The following SYT14 variants were observed in gnomAD, a reference collection of about 807,000 sequenced individuals.
The protein encoded by SYT14 is synaptotagmin 14.
A neutral mutation model predicts 74.2 loss-of-function variants in SYT14; 32 were observed. The ratio of observed to expected loss-of-function variants is 0.43; its 90% CI spans 0.33 to 0.58. The LOEUF (loss-of-function observed/expected upper bound fraction) is 0.58, where lower values mean the gene tolerates loss of function less well. SYT14 is among the 20% of genes least tolerant of loss of function. The pLI, the probability that SYT14 is intolerant of heterozygous loss-of-function variation, is 0.05. For synonymous variants in SYT14, 298 were observed against 337.7 expected (o/e 0.88, Z 1.29); for missense variants, 791 against 981.8 (o/e 0.81, Z 2.60).
At position 210,097,043 on chromosome 1, in the gene SYT14, G is replaced by A. The variant is rs138440879; in HGVS notation, c.1584+2450G>A. The stretch of plus-strand genomic sequence containing the variant: ...TAACCACTTCTTTGGAATTTCCTCC[G>A]TCCTGCTTATTTTTGTGTCTTCTGT... On this transcript the variant is annotated intron_variant, in intron 6 of 9. Coordinates refer to ENST00000637265, the Ensembl canonical transcript of SYT14. Among the ~76,000 whole-genome samples the A allele has an allele frequency of 4.6e-4, 70 of 152,192 alleles. 1 individual carries two copies. Among genetic ancestry groups the A allele is most frequent in the Admixed American group, 1.2e-3 (18 of 15,282 alleles).
intron 5 of SYT14, among the ~76,000 whole-genome samples, chr1:210,045,620 AC>A (rs1300485867): frequency 2.0e-5 from 3 of 152,176 alleles, no homozygotes; most frequent in Admixed American, 1.3e-4. Context: ...ATAAATAAGG[AC>A]TTTAACCAAA....
intron 5 of SYT14, among the ~76,000 whole-genome samples, chr1:210,032,873 A>G (rs2102997396): frequency 1.2e-5 from 1 of 86,202 alleles, no homozygotes. Flanking sequence ...ATACGTTTGC[A>G]CTATTTATTT....
intron 5 of SYT14, among the ~76,000 whole-genome samples, chr1:210,024,666 C>T (rs1010505146): frequency 1.3e-5 from 2 of 151,992 alleles, no homozygotes; most frequent in Admixed American, 6.6e-5. Flanking sequence ...GTTTTCAGAT[C>T]GTATATGCTT....
exon 10 of SYT14, chr1:210,163,790 A>G (rs1371508860): frequency 4.4e-6 from 2 of 453,680 alleles, no homozygotes; most frequent in Admixed American, 4.7e-5. Flanking sequence ...AATGTACGAG[A>G]CAGTACTACT....
At chr1:210,157,193 G>A (rs1272051296) in intron 8 of SYT14, among the ~76,000 whole-genome samples, 1 of 151,966 alleles carries the variant, frequency 6.6e-6, no homozygotes, top group Non-Finnish European at 1.5e-5. Context: ...TGTAATTCCA[G>A]CACTTTAGGA....
chr1:210,068,493 G>A (rs1156390207), intron 5 of SYT14, among the ~76,000 whole-genome samples: 1 of 151,406 alleles, frequency 6.6e-6, no homozygotes, highest in African/African-American at 2.4e-5. Context: ...TCTGTTCTCT[G>A]TTTGGTAGAA....
At chr1:210,011,599 C>T (rs1271492027) in intron 2 of SYT14, among the ~76,000 whole-genome samples, 1 of 152,140 alleles carries the variant, frequency 6.6e-6, no homozygotes, top group African/African-American at 2.4e-5. Context: ...ATGTCTTATT[C>T]AATTCTATAC....
chr1:210,139,847 TATGG>T (rs2082878894), intron 7 of SYT14, among the ~76,000 whole-genome samples: 1 of 152,220 alleles, frequency 6.6e-6, no homozygotes, highest in Non-Finnish European at 1.5e-5. Flanking sequence ...ATATTCTTTG[TATGG>T]ATATACCACA....
intron 2 of SYT14, among the ~76,000 whole-genome samples, chr1:209,997,878 A>G (rs1327625729): frequency 6.6e-6 from 1 of 152,180 alleles, no homozygotes; most frequent in Non-Finnish European, 1.5e-5. Flanking sequence ...TTCAATTTTA[A>G]CGGTGATTTA....
intron 5 of SYT14, among the ~76,000 whole-genome samples, chr1:210,075,045 C>T (rs1173320653): frequency 6.6e-6 from 1 of 152,174 alleles, no homozygotes; most frequent in Non-Finnish European, 1.5e-5. Flanking sequence ...GCAAGTAGCT[C>T]TCAGCAGATG....
At chr1:210,156,008 A>C (rs1463673893) in intron 8 of SYT14, 98 bp downstream of exon 7, 2 of 1,052,540 alleles carry the variant, frequency 1.9e-6, no homozygotes, top group Non-Finnish European at 2.9e-6. Flanking sequence ...TTAACCAATC[A>C]AAATGAAATG....
At chr1:210,092,686 C>T (rs1009868251) in intron 5 of SYT14, among the ~76,000 whole-genome samples, 1 of 152,120 alleles carries the variant, frequency 6.6e-6, no homozygotes, top group East Asian at 1.9e-4. Context: ...TTTATTAATT[C>T]AGCCACTTTT....
intron 2 of SYT14, among the ~76,000 whole-genome samples, chr1:209,955,252 A>G (rs1239891544): frequency 6.6e-6 from 1 of 152,044 alleles, no homozygotes; most frequent in African/African-American, 2.4e-5. Flanking sequence ...TGATGTTTCT[A>G]TCTGGATGTC....
intron 7 of SYT14, among the ~76,000 whole-genome samples, chr1:210,103,834 G>T (rs1186516091): frequency 6.6e-6 from 1 of 152,120 alleles, no homozygotes; most frequent in African/African-American, 2.4e-5. Flanking sequence ...ACAGAAATTG[G>T]TGAATTTTAG....
chr1:209,993,691 G>T (rs891682053), intron 2 of SYT14, among the ~76,000 whole-genome samples: 2 of 152,074 alleles, frequency 1.3e-5, no homozygotes, highest in African/African-American at 4.8e-5. Context: ...AGAAACTCAG[G>T]CATGGGCGCC....
chr1:210,045,736 A>G (rs2080872520), intron 5 of SYT14, among the ~76,000 whole-genome samples: 1 of 152,214 alleles, frequency 6.6e-6, no homozygotes, highest in African/African-American at 2.4e-5. Context: ...ATGAAATATT[A>G]GTAATAAATG....
intron 5 of SYT14, among the ~76,000 whole-genome samples, chr1:210,037,332 G>T (rs1477208797): frequency 1.3e-5 from 2 of 151,766 alleles, no homozygotes; most frequent in Middle Eastern, 3.2e-3. Flanking sequence ...TCTTTTGTTT[G>T]TCTTGGTAGC....
At chr1:210,102,124 G>A (rs1227333829) in intron 7 of SYT14, among the ~76,000 whole-genome samples, 1 of 152,002 alleles carries the variant, frequency 6.6e-6, no homozygotes, top group Admixed American at 6.6e-5. Flanking sequence ...TTTAAGTTCA[G>A]GGGTACGTGT....
In SYT14 at chr1:210,059,449, T is replaced by TAGAGAGAG. The variant is rs796666013; in HGVS notation, c.1313-34872_1313-34871insGAGAGAGA. Among the ~76,000 whole-genome samples, 436 of 89,638 alleles carry TAGAGAGAG rather than the reference T, an allele frequency of 4.9e-3. 1 individual carries two copies. The highest frequency in any genetic ancestry group is 7.0e-3 in the African/African-American group (120 of 17,192). 58.8% of individuals were successfully genotyped at this position (89,638 alleles called of 152,430 possible). On this transcript the variant is annotated intron_variant, in intron 5 of 9. Transcript: ENST00000637265. ...AAGAATATATATATATATATATATA[T>TAGAGAGAG]ATAGAGAGAGAGAGAGAGAGAGAGA... is the stretch of plus-strand genomic sequence containing the variant.
Sources: gnomAD v4.1 joint callset for allele counts (sites outside exome capture counted in the v4.1 genomes callset) on GRCh38, gnomAD v4.1.1 for gene constraint, MANE v1.5 for transcripts, NCBI Gene and HGNC (gene_info 2026-07-23, HGNC 2026-07-21) for gene names.